Variants in PDE4D observed in about 807,000 individuals in gnomAD.
PDE4D encodes the protein 3',5'-cyclic-AMP phosphodiesterase 4D.
PDE4D carries 24 observed loss-of-function variants against 87.4 expected under a neutral mutation model. That is an observed-to-expected ratio of 0.27 (90% CI 0.20 to 0.39). The LOEUF (loss-of-function observed/expected upper bound fraction) is 0.39. Ranked by LOEUF, PDE4D falls within the 10% of genes least tolerant of loss-of-function variation. The probability of loss-of-function intolerance (pLI) is 1.00; values close to 1 mark genes in which losing one functional copy is unlikely to be tolerated. For missense variants in PDE4D, 714 were observed against 1,041.0 expected (o/e 0.69, Z 4.32); for synonymous variants, 384 against 383.2 (o/e 1.00, Z -0.02).
At chr5:59,092,528 TC>T (rs2153429209) in intron 5 of PDE4D, among the ~76,000 whole-genome samples, 1 of 150,232 alleles carries the variant, frequency 6.7e-6, no homozygotes, top group Non-Finnish European at 1.5e-5. Context: ...GTAGAGAGAC[TC>T]CTAAATAATG....
chr5:60,483,655 A>G (rs1278042911), intron 1 of PDE4D, among the ~76,000 whole-genome samples: 1 of 152,196 alleles, frequency 6.6e-6, no homozygotes, highest in African/African-American at 2.4e-5. Context: ...GTTCTTATCC[A>G]ATCACCAAAG....
intron 1 of PDE4D, among the ~76,000 whole-genome samples, chr5:59,482,049 T>TA (rs967784405): frequency 7.2e-4 from 109 of 151,658 alleles, no homozygotes; most frequent in Non-Finnish European, 1.2e-3. Context: ...AGAAAAATAA[T>TA]AAAAAAAAAT....
At chr5:59,512,124 C>G (rs1810382920) in intron 1 of PDE4D, among the ~76,000 whole-genome samples, 1 of 152,204 alleles carries the variant, frequency 6.6e-6, no homozygotes, top group East Asian at 1.9e-4. Flanking sequence ...CTGTTAATGA[C>G]TCAGTGTTAA....
rs571888684 is a variant in PDE4D at position 60,457,778 on chromosome 5, A to G, written c.-90+30164T>C. Among the ~76,000 whole-genome samples the G allele has an allele frequency of 2.8e-4, 42 of 152,240 alleles. 1 individual carries two copies. Among genetic ancestry groups the G allele is most frequent in the Middle Eastern group, 3.4e-3 (1 of 294 alleles). On this transcript the variant is annotated intron_variant, in intron 1 of 16. Coordinates refer to the PDE4D transcript ENST00000502484. ...TCCGAGTCTCAATGCCGTCTGTAAGATGGGGGCCTGTTTCAGCAAATGCCA... is the reference window on the plus strand; with the variant it reads ...TCCGAGTCTCAATGCCGTCTGTAAGGTGGGGGCCTGTTTCAGCAAATGCCA...
chr5:59,287,346 A>G (rs1481984583), intron 1 of PDE4D, among the ~76,000 whole-genome samples: 5 of 152,046 alleles, frequency 3.3e-5, no homozygotes, highest in Non-Finnish European at 7.4e-5. Context: ...AGGAGAAGGA[A>G]GAGTGGGAAG....
chr5:59,413,285 G>C (rs1298875389), intron 1 of PDE4D, among the ~76,000 whole-genome samples: 1 of 151,640 alleles, frequency 6.6e-6, no homozygotes, highest in Non-Finnish European at 1.5e-5. Context: ...GTGAAACCCC[G>C]TCTCTACTAA....
intron 1 of PDE4D, among the ~76,000 whole-genome samples, chr5:59,578,795 T>G (rs1421202486): frequency 6.6e-6 from 1 of 152,020 alleles, no homozygotes; most frequent in African/African-American, 2.4e-5. Context: ...TTCTCCCTCC[T>G]TTTCCTCCCC....
chr5:58,993,298 A>G, intron 7 of PDE4D, 74 bp downstream of exon 7: 1 of 778,216 alleles, frequency 1.3e-6, no homozygotes, highest in East Asian at 2.7e-5. Context: ...ATGAGTTGGC[A>G]CCCCAATCCT....
chr5:59,320,195 T>C (rs1774466291), intron 1 of PDE4D, among the ~76,000 whole-genome samples: 1 of 152,052 alleles, frequency 6.6e-6, no homozygotes, highest in Admixed American at 6.6e-5. Flanking sequence ...CGTGTGCAGG[T>C]GTGTTTAGGC....
chr5:60,097,515 G>A (rs1428082006), intron 2 of PDE4D, among the ~76,000 whole-genome samples: 1 of 151,984 alleles, frequency 6.6e-6, no homozygotes, highest in African/African-American at 2.4e-5. Flanking sequence ...TTAAGAGTAT[G>A]ACTTAATCAC....
At position 60,076,465 on chromosome 5, in the gene PDE4D, C is replaced by T. The variant is rs181418588; in HGVS notation, c.43-87748G>A. Among the ~76,000 whole-genome samples, 191 of 152,262 alleles carry T rather than the reference C, an allele frequency of 1.3e-3. 4 individuals are homozygous for T. The East Asian group carries it at 0.03, about 24-fold the overall frequency. On this transcript the variant is annotated intron_variant, in intron 2 of 16. Coordinates refer to the PDE4D transcript ENST00000502484. ...GAGCCACCACGCCTGGCCTGTTCCT[C>T]CAATCTTTGAAATTGCTGTCCTTTG...
At chr5:59,117,778 T>C (rs1007574669) in intron 5 of PDE4D, among the ~76,000 whole-genome samples, 2 of 150,782 alleles carry the variant, frequency 1.3e-5, no homozygotes, top group South Asian at 2.1e-4. Flanking sequence ...ACCATGGCCA[T>C]AGACAAACAC....
chr5:58,997,098 G>A (rs10058612), intron 6 of PDE4D, among the ~76,000 whole-genome samples: 15,322 of 152,060 alleles, frequency 0.1, 1,030 homozygotes, highest in Non-Finnish European at 0.13. Context: ...CTAGGAAGAC[G>A]GTCTAAGGAA....
chr5:59,853,564 T>A (rs1744990098), intron 1 of PDE4D, among the ~76,000 whole-genome samples: 1 of 152,084 alleles, frequency 6.6e-6, no homozygotes, highest in Admixed American at 6.6e-5. Context: ...CTAATTTAAC[T>A]AGCATTAATA....
At chr5:59,183,157 A>C (rs535191416) in intron 4 of PDE4D, among the ~76,000 whole-genome samples, 1 of 152,260 alleles carries the variant, frequency 6.6e-6, no homozygotes, top group African/African-American at 2.4e-5. Context: ...GAATCCTACT[A>C]TTCTGATACC....
intron 5 of PDE4D, among the ~76,000 whole-genome samples, chr5:59,128,889 A>C (rs947520659): frequency 6.6e-6 from 1 of 152,146 alleles, no homozygotes; most frequent in African/African-American, 2.4e-5. Context: ...CAACCCTTCT[A>C]CCTTTAAGTG....
At chr5:59,330,503 TG>T (rs1465644603) in intron 1 of PDE4D, among the ~76,000 whole-genome samples, 1 of 152,182 alleles carries the variant, frequency 6.6e-6, no homozygotes, top group Non-Finnish European at 1.5e-5. Context: ...CATGAAAATT[TG>T]TTCTCAGGTA....
chr5:59,977,458 A>C (rs1291090785), intron 3 of PDE4D, among the ~76,000 whole-genome samples: 1 of 152,176 alleles, frequency 6.6e-6, no homozygotes, highest in African/African-American at 2.4e-5. Flanking sequence ...ATGCCAGCAG[A>C]GGGTGGTTCA....
Position 59,691,774 on chromosome 5 carries a change from A to G in PDE4D, c.455+201394T>C, listed in dbSNP as rs1376493856. On this transcript the variant is annotated intron_variant, in intron 1 of 14. Transcript: ENST00000340635. ...CAAACTATTTTAAGATGATCTAGCC[A>G]TGATGTGCAAAAAATAAGCTTAATA... Among the ~76,000 whole-genome samples the G allele has an allele frequency of 9.2e-5, 14 of 152,156 alleles. No individual in the cohort carries two copies. In the South Asian group the frequency reaches 1.9e-3, roughly 20 times the overall value.
Sources: allele counts gnomAD v4.1 joint callset (sites outside exome capture counted in the v4.1 genomes callset), GRCh38; gene constraint gnomAD v4.1.1; transcripts MANE v1.5; gene names NCBI Gene and HGNC (gene_info 2026-07-23, HGNC 2026-07-21).